The following HDAC9 variants were observed in gnomAD, a reference collection of about 807,000 sequenced individuals.
HDAC9 encodes the protein histone deacetylase 9.
Under a neutral mutation model 139.4 loss-of-function variants are expected in HDAC9, and 41 were observed. That is an observed-to-expected ratio of 0.29 (90% CI 0.23 to 0.38). The LOEUF is 0.38. Among genes scored for constraint, HDAC9 ranks in the 10% least tolerant of loss-of-function variants. HDAC9 has a pLI of 1.00. For synonymous variants in HDAC9, 517 were observed against 476.2 expected (o/e 1.09, Z -1.12); for missense variants, 1,147 against 1,297.0 (o/e 0.88, Z 1.78).
intron 22 of HDAC9, among the ~76,000 whole-genome samples, chr7:18,918,487 T>G (rs1438731727): frequency 6.6e-6 from 1 of 152,086 alleles, no homozygotes; most frequent in Non-Finnish European, 1.5e-5. Flanking sequence ...ATGATTTTTA[T>G]AGCTTTTATT....
At chr7:18,243,015 G>A (rs1794290744) in intron 2 of HDAC9, among the ~76,000 whole-genome samples, 1 of 145,514 alleles carries the variant, frequency 6.9e-6, no homozygotes, top group Non-Finnish European at 1.5e-5. Flanking sequence ...CATATGAAAA[G>A]ATGTGGAAGG....
rs1406026967 is a variant in HDAC9, at chr7:18,688,366, G to A, written c.1731+21890G>A. On this transcript the variant is annotated intron_variant, in intron 12 of 25. Coordinates refer to ENST00000686413, the MANE Select transcript of HDAC9 (RefSeq NM_178425.4). ...CTAAATGATGAAGGTTCCATTTCTAGTATATTTATATACAAATTTTATGAA... is the reference window on the plus strand; with the variant it reads ...CTAAATGATGAAGGTTCCATTTCTAATATATTTATATACAAATTTTATGAA... 2.0e-5 allele frequency among the ~76,000 whole-genome samples: 3 copies of A among 151,658 alleles called. No individual in the cohort carries two copies. In the Admixed American group the frequency reaches 2.0e-4, roughly 10 times the overall value.
intron 21 of HDAC9, among the ~76,000 whole-genome samples, chr7:18,843,661 AT>A (rs35677313): frequency 0.12 from 18,429 of 148,896 alleles, 2,407 homozygotes; most frequent in African/African-American, 0.33. Context: ...CATAGAGTGA[AT>A]TTTTTTTTTT....
At chr7:18,652,156 A>G (rs532037645) in intron 11 of HDAC9, among the ~76,000 whole-genome samples, 5 of 152,248 alleles carry the variant, frequency 3.3e-5, no homozygotes, top group Admixed American at 6.5e-5. Flanking sequence ...ACATTCATTT[A>G]TATCATTTTT....
intron 1 of HDAC9, among the ~76,000 whole-genome samples, chr7:18,130,695 C>A (rs952612408): frequency 1.3e-5 from 2 of 152,074 alleles, no homozygotes; most frequent in Admixed American, 1.3e-4. Context: ...CACTAATGTA[C>A]TTTTTCCCCA....
chr7:18,746,106 A>G (rs1444150734), intron 13 of HDAC9, among the ~76,000 whole-genome samples: 3 of 150,482 alleles, frequency 2.0e-5, no homozygotes, highest in Non-Finnish European at 3.0e-5. Flanking sequence ...CCTGGGCTCA[A>G]GCAATCCTCC....
chr7:18,312,517 A>C (rs1309392992), intron 1 of HDAC9, among the ~76,000 whole-genome samples: 12 of 152,114 alleles, frequency 7.9e-5, no homozygotes, highest in Non-Finnish European at 1.6e-4. Flanking sequence ...GGTTTTCCAA[A>C]ATTAATTTAA....
chr7:18,805,726 G>T (rs953475584), intron 17 of HDAC9, among the ~76,000 whole-genome samples: 1 of 152,186 alleles, frequency 6.6e-6, no homozygotes, highest in Non-Finnish European at 1.5e-5. Flanking sequence ...ACCTGAGAGT[G>T]TTCCCATTCA....
rs146553221 is a variant in HDAC9, at chr7:18,781,149, A to C, written c.2215-12196A>C. Among the ~76,000 whole-genome samples the C allele has an allele frequency of 3.5e-3, 529 of 152,082 alleles. 7 individuals carry two copies. Among genetic ancestry groups the C allele is most frequent in the African/African-American group, 0.012 (497 of 41,516 alleles). On this transcript the variant is annotated intron_variant, in intron 16 of 25. Coordinates refer to ENST00000686413, the MANE Select transcript of HDAC9 (RefSeq NM_178425.4). ...CTCTTTCTTTTCTTATAAGGACATC[A>C]GTCATTTTGTATTAGGGCCCCACCC...
At chr7:18,272,304 A>G (rs1002537004) in intron 2 of HDAC9, among the ~76,000 whole-genome samples, 2 of 152,202 alleles carry the variant, frequency 1.3e-5, no homozygotes, top group Admixed American at 6.5e-5. Flanking sequence ...CCTTGTAAGT[A>G]TAATTAACTC....
intron 2 of HDAC9, among the ~76,000 whole-genome samples, chr7:18,270,566 C>T (rs556211594): frequency 5.5e-4 from 83 of 152,120 alleles, no homozygotes; most frequent in Non-Finnish European, 1.1e-3. Context: ...AAAGTTTAAA[C>T]GTTATTTTTT....
At chr7:18,517,578 A>T (rs1000619461) in intron 2 of HDAC9, 2 of 152,214 alleles carry the variant, frequency 1.3e-5, no homozygotes, top group African/African-American at 4.8e-5. Flanking sequence ...TCTATTACAC[A>T]TCATATACCA....
chr7:18,585,632 G>C, intron 3 of HDAC9, 110 bp downstream of exon 3: 2 of 1,304,116 alleles, frequency 1.5e-6, no homozygotes, highest in Non-Finnish European at 2.1e-6. Context: ...ATTAAGACAT[G>C]GATATATGGC....
intron 6 of HDAC9, among the ~76,000 whole-genome samples, chr7:18,610,092 A>G (rs1584070906): frequency 6.6e-6 from 1 of 152,288 alleles, no homozygotes; most frequent in South Asian, 2.1e-4. Flanking sequence ...CTATAAAGAC[A>G]CACGCACACA....
intron 1 of HDAC9, among the ~76,000 whole-genome samples, chr7:18,109,251 T>G (rs1783442003): frequency 6.6e-6 from 1 of 152,218 alleles, no homozygotes; most frequent in Admixed American, 6.5e-5. Flanking sequence ...TAAGCATTTT[T>G]TCCCCCTTAA....
chr7:18,434,198 A>G (rs118144187), intron 1 of HDAC9, among the ~76,000 whole-genome samples: 1 of 152,350 alleles, frequency 6.6e-6, no homozygotes, highest in East Asian at 1.9e-4. Flanking sequence ...CACTGGAGGA[A>G]CTAGCTATCC....
intron 2 of HDAC9, among the ~76,000 whole-genome samples, chr7:18,528,408 AT>A (rs1283148916): frequency 2.6e-5 from 4 of 152,158 alleles, no homozygotes; most frequent in Non-Finnish European, 4.4e-5. Flanking sequence ...GTAAAATGAT[AT>A]ATTTATAAGC....
chr7:18,924,635 G>A (rs201405256), intron 22 of HDAC9, among the ~76,000 whole-genome samples: 2 of 152,196 alleles, frequency 1.3e-5, no homozygotes, highest in East Asian at 3.9e-4. Context: ...ACAAATCTGT[G>A]TAATTTAGCT....
chr7:18,397,917 G>C (rs1262968668), intron 1 of HDAC9, among the ~76,000 whole-genome samples: 2 of 152,064 alleles, frequency 1.3e-5, no homozygotes, highest in Non-Finnish European at 1.5e-5. Flanking sequence ...CCCAAACCAG[G>C]TATTGTCTGT....
Sources: allele counts gnomAD v4.1 joint callset (sites outside exome capture counted in the v4.1 genomes callset), GRCh38; gene constraint gnomAD v4.1.1; transcripts MANE v1.5; gene names NCBI Gene and HGNC (gene_info 2026-07-23, HGNC 2026-07-21).